The following MAN1A2 variants were observed in gnomAD, a reference collection of about 807,000 sequenced individuals.
MAN1A2 encodes the protein mannosyl-oligosaccharide 1,2-alpha-mannosidase IB.
A neutral mutation model predicts 75.7 loss-of-function variants in MAN1A2; 26 were observed. The ratio of observed to expected loss-of-function variants is 0.34; its 90% CI spans 0.25 to 0.48. The LOEUF (loss-of-function observed/expected upper bound fraction) is 0.48, where lower values mean the gene tolerates loss of function less well. MAN1A2 is among the 20% of genes least tolerant of loss of function. The pLI is 0.99. For synonymous variants in MAN1A2, 247 were observed against 264.6 expected, an observed-to-expected ratio of 0.93 and a Z score of 0.65; for missense variants, 562 against 775.5, an observed-to-expected ratio of 0.72 and a Z score of 3.27.
At chr1:117,414,222 G>A (rs1030173871) in intron 3 of MAN1A2, among the ~76,000 whole-genome samples, 1 of 151,056 alleles carries the variant, frequency 6.6e-6, no homozygotes, top group Non-Finnish European at 1.5e-5. Flanking sequence ...ATCCAGCCCT[G>A]TTGTACATTT....
intron 3 of MAN1A2, among the ~76,000 whole-genome samples, chr1:117,412,165 T>C (rs1383714053): frequency 6.6e-6 from 1 of 151,848 alleles, no homozygotes; most frequent in Non-Finnish European, 1.5e-5. Context: ...GGTATTTTGA[T>C]AGCGGGTAGC....
At chr1:117,371,595 A>C (rs1652967131) in intron 1 of MAN1A2, among the ~76,000 whole-genome samples, 1 of 152,160 alleles carries the variant, frequency 6.6e-6, no homozygotes, top group Non-Finnish European at 1.5e-5. Context: ...AGCAGAAGAC[A>C]CAACATGTGT....
At chr1:117,474,867 C>G (rs1252001580) in intron 8 of MAN1A2, among the ~76,000 whole-genome samples, 1 of 151,900 alleles carries the variant, frequency 6.6e-6, no homozygotes, top group African/African-American at 2.4e-5. Context: ...CCTTCCCCCT[C>G]CCCCAAAACA....
intron 6 of MAN1A2, among the ~76,000 whole-genome samples, chr1:117,450,820 A>G (rs927937270): frequency 6.6e-6 from 1 of 152,190 alleles, no homozygotes; most frequent in Non-Finnish European, 1.5e-5. Flanking sequence ...ACCTCTGCCT[A>G]GATTTCACAG....
In MAN1A2 at chr1:117,407,338, C is replaced by CA. The variant is rs564077867; in HGVS notation, c.655+1696dup. 5.7e-4 allele frequency among the ~76,000 whole-genome samples: 87 copies of CA among 152,010 alleles called. 1 individual carries two copies. Among genetic ancestry groups the CA allele is most frequent in the Non-Finnish European group, 9.6e-4 (65 of 67,978 alleles). On this transcript the variant is annotated intron_variant, in intron 3 of 12. Coordinates refer to ENST00000356554, the MANE Select transcript of MAN1A2 (RefSeq NM_006699.5). ...CTTACTCTGTTTCTTTTGTGTATCT[C>CA]AAATTCTTGCCAGTAAGTACAATTT...
chr1:117,454,935 C>T (rs1023762561), intron 6 of MAN1A2, among the ~76,000 whole-genome samples: 5 of 151,574 alleles, frequency 3.3e-5, no homozygotes, highest in East Asian at 1.9e-4. Context: ...AAAAATAAGC[C>T]GGTAAAGAAA....
intron 12 of MAN1A2, among the ~76,000 whole-genome samples, chr1:117,521,938 AC>A (rs1177282662): frequency 6.6e-6 from 1 of 151,912 alleles, no homozygotes; most frequent in Non-Finnish European, 1.5e-5. Context: ...GAATGGAAAA[AC>A]CAAGCATCGT....
At chr1:117,419,799 C>T (rs1648128014) in intron 4 of MAN1A2, among the ~76,000 whole-genome samples, 3 of 151,818 alleles carry the variant, frequency 2.0e-5, no homozygotes, top group Admixed American at 2.0e-4. Flanking sequence ...TGTGCTGTTT[C>T]CATCTGTTTG....
At chr1:117,506,547 T>G (rs1304713784) in intron 12 of MAN1A2, among the ~76,000 whole-genome samples, 1 of 151,616 alleles carries the variant, frequency 6.6e-6, no homozygotes, top group Non-Finnish European at 1.5e-5. Flanking sequence ...AGGTCAGAGA[T>G]AGATTCCTTC....
chr1:117,508,324 C>T lies in MAN1A2; in HGVS notation c.1793+5354C>T, dbSNP rs560512787. Among the ~76,000 whole-genome samples the T allele has an allele frequency of 2.3e-4, 26 of 113,040 alleles. No individual in the cohort carries two copies. In the East Asian group the frequency reaches 5.3e-3, roughly 23 times the overall value. The allele number at this position is 113,040 out of a possible 152,430, so 74.2% of individuals were successfully genotyped here. ...TCACAAGTTGGAAACATAGTCTTAACAAATTTGTTATTAAAGGAAAGAGAA... is the reference window on the plus strand; with the variant it reads ...TCACAAGTTGGAAACATAGTCTTAATAAATTTGTTATTAAAGGAAAGAGAA... On this transcript the variant is annotated intron_variant, in intron 12 of 12. Coordinates refer to ENST00000356554, the MANE Select transcript of MAN1A2 (RefSeq NM_006699.5).
intron 5 of MAN1A2, among the ~76,000 whole-genome samples, chr1:117,434,365 T>G (rs1030046762): frequency 3.9e-5 from 6 of 152,228 alleles, no homozygotes; most frequent in African/African-American, 1.4e-4. Flanking sequence ...TACTTTGCAT[T>G]TTAACAAATG....
At chr1:117,379,562 A>G (rs1653263470) in intron 1 of MAN1A2, among the ~76,000 whole-genome samples, 1 of 152,070 alleles carries the variant, frequency 6.6e-6, no homozygotes, top group African/African-American at 2.4e-5. Flanking sequence ...TGTAACTACC[A>G]CCTCTAGTTC....
At chr1:117,491,264 G>T (rs1303538620) in intron 8 of MAN1A2, among the ~76,000 whole-genome samples, 1 of 152,040 alleles carries the variant, frequency 6.6e-6, no homozygotes, top group Non-Finnish European at 1.5e-5. Context: ...GCTGACTCTT[G>T]TTGGGGGCTA....
Position 117,442,332 on chromosome 1 carries a change from CTA to C in MAN1A2, c.950+9_950+10del. 4 of 1,553,632 alleles carry C rather than the reference CTA, an allele frequency of 2.6e-6. No individual in the cohort carries two copies. The highest frequency in any genetic ancestry group is 2.2e-5 in the East Asian group (1 of 44,540). On this transcript the variant is annotated splice_region_variant and intron_variant, in intron 6 of 12. Coordinates refer to ENST00000356554, the MANE Select transcript of MAN1A2 (RefSeq NM_006699.5). ...CAATGGTGAATTTGAAAAGGTAACT[CTA>C]TGTGGGTATTCTTATTCTGGAAGAA...
chr1:117,399,274 A>G (rs1401755497), intron 1 of MAN1A2, among the ~76,000 whole-genome samples: 2 of 152,196 alleles, frequency 1.3e-5, no homozygotes, highest in Non-Finnish European at 2.9e-5. Context: ...TTTCTGAGTG[A>G]TAACATATGA....
intron 4 of MAN1A2, among the ~76,000 whole-genome samples, chr1:117,417,687 C>T (rs867396785): frequency 2.3e-5 from 3 of 133,146 alleles, no homozygotes; most frequent in Non-Finnish European, 3.3e-5. Context: ...CCAAAGTAGG[C>T]GTGCACACAC....
rs555490597 is a variant in MAN1A2, at chr1:117,525,707, G to A, written c.*2750G>A. The A allele has an allele frequency of 6.6e-6, 1 of 151,756 alleles. No homozygotes were observed. Among genetic ancestry groups the A allele is most frequent in the African/African-American group, 2.4e-5 (1 of 41,448 alleles). 9.4% of individuals were successfully genotyped at this position (151,756 alleles called of 1,614,324 possible). On this transcript the variant is annotated 3_prime_UTR_variant, in exon 13 of 13. Coordinates refer to ENST00000356554, the MANE Select transcript of MAN1A2 (RefSeq NM_006699.5). The stretch of plus-strand genomic sequence containing the variant: ...TCTACATTTATTTCTCTTCATTTTA[G>A]AATCACACTTTTTATGTTAAACCAG...
chr1:117,461,249 A>G (rs990538407), intron 7 of MAN1A2, among the ~76,000 whole-genome samples: 15 of 152,196 alleles, frequency 9.9e-5, no homozygotes, highest in Admixed American at 5.2e-4. Context: ...ATTTGCAGCA[A>G]TATGGATGGA....
intron 5 of MAN1A2, among the ~76,000 whole-genome samples, chr1:117,436,278 T>C (rs1201353074): frequency 6.6e-6 from 1 of 152,146 alleles, no homozygotes; most frequent in African/African-American, 2.4e-5. Flanking sequence ...AGGTTTTAAT[T>C]AGTAAAACTT....
Sources: allele counts gnomAD v4.1 joint callset (sites outside exome capture counted in the v4.1 genomes callset), GRCh38; gene constraint gnomAD v4.1.1; transcripts MANE v1.5; gene names NCBI Gene and HGNC (gene_info 2026-07-23, HGNC 2026-07-21).